Variants in SIK2 observed in about 807,000 individuals in gnomAD.
SIK2 encodes salt inducible kinase 2.
A neutral mutation model predicts 103.2 loss-of-function variants in SIK2; 29 were observed. That is an observed-to-expected ratio of 0.28 (90% CI 0.21 to 0.38). The LOEUF (loss-of-function observed/expected upper bound fraction) is 0.38, where lower values mean the gene tolerates loss of function less well. Among genes scored for constraint, SIK2 ranks in the 10% least tolerant of loss-of-function variants. SIK2 has a pLI of 1.00. For missense variants in SIK2, 879 were observed against 1,171.0 expected (o/e 0.75, Z 3.64); for synonymous variants, 412 against 446.1 (o/e 0.92, Z 0.96).
rs888849280 is a variant in SIK2 at position 111,723,887 on chromosome 11, C to G, written c.2539C>G (p.Gln847Glu). Reference protein sequence around the residue: ...AAPAPLQFSYQTCELPSAASP... With the variant: ...AAPAPLQFSYETCELPSAASP... ...CCCAGCCCCCTTACAGTTCTCCTAT[C>G]AGACTTGTGAGCTGCCAAGCGCTGC... Residue 847 changes from glutamine to glutamate, a missense_variant, in exon 15 of 15, where the codon CAG becomes GAG. By Grantham distance (29) the Gln-to-Glu change is conservative. Around this residue, in one of 7 missense-constraint regions of SIK2, gnomAD observed 375 missense variants for 416.3 expected, o/e 0.90. Coordinates refer to ENST00000304987, the MANE Select transcript of SIK2 (RefSeq NM_015191.3). The G allele has an allele frequency of 5.1e-6, 8 of 1,582,346 alleles. No homozygotes were observed. The Admixed American group carries it at 1.2e-4, about 24-fold the overall frequency.
At chr11:111,628,713 A>G (rs568865783) in intron 3 of SIK2, among the ~76,000 whole-genome samples, 1 of 152,218 alleles carries the variant, frequency 6.6e-6, no homozygotes, top group East Asian at 1.9e-4. Context: ...GGTGTGAGCC[A>G]CTGCAACTGG....
At chr11:111,650,303 T>C (rs1282505073) in intron 3 of SIK2, among the ~76,000 whole-genome samples, 2 of 152,110 alleles carry the variant, frequency 1.3e-5, no homozygotes, top group Non-Finnish European at 2.9e-5. Flanking sequence ...TGATTTTTCA[T>C]AGTAAAACAT....
rs910297691 is a variant in SIK2 at position 111,602,532 on chromosome 11, C to G, written c.-32C>G. The G allele has an allele frequency of 2.0e-5, 30 of 1,468,252 alleles. No individual in the cohort carries two copies. In the African/African-American group the frequency reaches 4.4e-4, roughly 22 times the overall value. The allele number at this position is 1,468,252 out of a possible 1,614,324, so 91.0% of individuals were successfully genotyped here. A position where few individuals can be genotyped will look rare whatever the true frequency, so the allele number is the denominator to read the frequency against. ...GCCAACCCTCCCGCCCGCCCGCGCT[C>G]CTGTCCGCCGTGTCTAGCAGCGGGG... is the stretch of plus-strand genomic sequence containing the variant. On this transcript the variant is annotated 5_prime_UTR_variant, in exon 1 of 15. Coordinates refer to ENST00000304987, the MANE Select transcript of SIK2 (RefSeq NM_015191.3). This position sits in a 1 kb window ranked among gnomAD's most constrained non-coding sequence, Gnocchi z 4.5.
At chr11:111,692,702 T>G (rs777923212) in intron 4 of SIK2, among the ~76,000 whole-genome samples, 2 of 152,182 alleles carry the variant, frequency 1.3e-5, no homozygotes, top group Non-Finnish European at 2.9e-5. Context: ...TCTTCTTATC[T>G]CTGAGAACTC....
intron 4 of SIK2, among the ~76,000 whole-genome samples, chr11:111,697,334 C>A (rs766866160): frequency 3.3e-5 from 5 of 152,178 alleles, no homozygotes; most frequent in Non-Finnish European, 7.3e-5. Context: ...CTTTATCGAG[C>A]AGCTGTTGTC....
Position 111,720,596 on chromosome 11 carries a change from C to G in SIK2, c.1614C>G (p.Ile538Met). 1 of 1,614,068 alleles carries G rather than the reference C, an allele frequency of 6.2e-7. No individual in the cohort carries two copies. The highest frequency in any genetic ancestry group is 8.5e-7 in the Non-Finnish European group (1 of 1,180,006). The change falls in exon 11 of 15, where the codon ATC becomes ATG. Residue 538 changes from isoleucine (I) to methionine (M), a missense_variant. By Grantham distance (10) the Ile-to-Met change is conservative. Coordinates refer to ENST00000304987, the MANE Select transcript of SIK2 (RefSeq NM_015191.3). ...FLEDNPSLKD[I>M]MLANQPSPRM... ...AAGACAACCCTTCCCTTAAGGACATCATGTTAGCCAATCAGCCTTCACCCC... is the reference window on the plus strand; with the variant it reads ...AAGACAACCCTTCCCTTAAGGACATGATGTTAGCCAATCAGCCTTCACCCC...
In SIK2 at chr11:111,720,528, G is replaced by A. The variant is rs1225590217; in HGVS notation, c.1546G>A (p.Glu516Lys). Reference sequence around the variant, plus strand: ...CCCCTCCCTTGACAGTGTGGACTCTGAGTATGATATGGGGTCTGTTCAGAG... The same window carrying A: ...CCCCTCCCTTGACAGTGTGGACTCTAAGTATGATATGGGGTCTGTTCAGAG... ...DSPSLDSVDS[E>K]YDMGSVQRDL... Residue 516 changes from glutamate to lysine, a missense_variant, in exon 11 of 15, where the codon GAG (glutamate) becomes AAG (lysine). Coordinates refer to ENST00000304987, the MANE Select transcript of SIK2 (RefSeq NM_015191.3). 6.2e-7 allele frequency: 1 copy of A among 1,613,668 alleles called. No homozygotes were observed. The highest frequency in any genetic ancestry group is 8.5e-7 in the Non-Finnish European group (1 of 1,179,868).
At chr11:111,625,475 C>A (rs1941948947) in intron 3 of SIK2, among the ~76,000 whole-genome samples, 1 of 152,048 alleles carries the variant, frequency 6.6e-6, no homozygotes, top group South Asian at 2.1e-4. Context: ...ATCCCTGAGG[C>A]ATTTAAACAT....
Position 111,728,782 on chromosome 11 carries a change from G to A in SIK2, c.*4653G>A, listed in dbSNP as rs1944069135. On this transcript the variant is annotated 3_prime_UTR_variant, in exon 15 of 15. Coordinates refer to ENST00000304987, the MANE Select transcript of SIK2 (RefSeq NM_015191.3). The stretch of plus-strand genomic sequence containing the variant: ...TACTAAAAATACAAAAAATTAGCCG[G>A]GCGTGGTGGTGGGCGCCTGTAGTTC... 1 of 152,080 alleles carries A rather than the reference G, an allele frequency of 6.6e-6. No homozygotes were observed. The highest frequency in any genetic ancestry group is 1.5e-5 in the Non-Finnish European group (1 of 68,028). The allele number at this position is 152,080 out of a possible 1,614,324, so 9.4% of individuals were successfully genotyped here.
chr11:111,645,960 T>C (rs1344119649), intron 3 of SIK2, among the ~76,000 whole-genome samples: 3 of 152,174 alleles, frequency 2.0e-5, no homozygotes, highest in Non-Finnish European at 4.4e-5. Flanking sequence ...ATGGTGGTTA[T>C]GTAGGTATTT....
chr11:111,662,917 G>C (rs1162819718), intron 3 of SIK2, among the ~76,000 whole-genome samples: 2 of 151,180 alleles, frequency 1.3e-5, no homozygotes, highest in South Asian at 2.1e-4. Context: ...ATAGCAAGTG[G>C]TGAAGAGTAC....
chr11:111,635,359 AAG>A (rs1397594858), intron 3 of SIK2, among the ~76,000 whole-genome samples: 1 of 150,006 alleles, frequency 6.7e-6, no homozygotes, highest in Non-Finnish European at 1.5e-5. Context: ...AAGAAAGAGA[AAG>A]AGAAAAGAGA....
At chr11:111,717,936 GAGCATCAGGAAGAAT>G (rs1370334338) in intron 9 of SIK2, among the ~76,000 whole-genome samples, 1 of 152,110 alleles carries the variant, frequency 6.6e-6, no homozygotes, top group African/African-American at 2.4e-5. Flanking sequence ...ATGGGAGGGA[GAGCATCAGGAAGAAT>G]AGCTGATGCA....
At position 111,609,336 on chromosome 11, in the gene SIK2, G is replaced by C. The variant is rs369481191; in HGVS notation, c.135+6638G>C. ...AAAGTCAAATCAATTTTTTTTTTGGGGGGGGGACAGGGTCTCACTCTGTCA... is the reference window on the plus strand; with the variant it reads ...AAAGTCAAATCAATTTTTTTTTTGGCGGGGGGACAGGGTCTCACTCTGTCA... On this transcript the variant is annotated intron_variant, in intron 1 of 14. Transcript: ENST00000304987. 6.0e-4 allele frequency among the ~76,000 whole-genome samples: 90 copies of C among 151,106 alleles called. No individual in the cohort carries two copies. In the East Asian group the frequency reaches 0.011, roughly 19 times the overall value.
intron 4 of SIK2, among the ~76,000 whole-genome samples, chr11:111,689,705 G>A (rs1942900795): frequency 6.6e-6 from 1 of 152,100 alleles, no homozygotes; most frequent in Non-Finnish European, 1.5e-5. Flanking sequence ...TAGCTTCCTC[G>A]GTTTGCTGTA....
rs908337018 is a variant in SIK2 at position 111,720,960 on chromosome 11, G to A, written c.1842G>A (p.Leu614=). The A allele has an allele frequency of 2.0e-5, 33 of 1,614,020 alleles. No individual in the cohort carries two copies. Among genetic ancestry groups the A allele is most frequent in the Non-Finnish European group, 2.5e-5 (30 of 1,180,036 alleles). ...NLARTKGILE[L]NKVQLLYEQI... is the part of the protein sequence containing the mutation. ...CTAGAACCAAAGGAATTCTAGAGTT[G>A]AACAAAGTGCAGTTGTTGTATGAAC... The change falls in exon 12 of 15, where the codon TTG becomes TTA. Residue 614 remains leucine, a synonymous_variant. Coordinates refer to ENST00000304987, the MANE Select transcript of SIK2 (RefSeq NM_015191.3).
At chr11:111,636,077 ATTCT>A (rs1179250786) in intron 3 of SIK2, among the ~76,000 whole-genome samples, 1 of 152,222 alleles carries the variant, frequency 6.6e-6, no homozygotes, top group African/African-American at 2.4e-5. Flanking sequence ...GAAAAAGCTA[ATTCT>A]TTGTTTGTGA....
At chr11:111,718,097 C>G (rs144746459) in intron 9 of SIK2, among the ~76,000 whole-genome samples, 39 of 152,258 alleles carry the variant, frequency 2.6e-4, no homozygotes, top group African/African-American at 9.4e-4. Context: ...AAAGAACTTG[C>G]TTATATGGCT....
rs200358202 is a variant in SIK2, at chr11:111,712,349, G to A, written c.1240G>A (p.Glu414Lys). 164 of 1,614,110 alleles carry A rather than the reference G, an allele frequency of 1.0e-4. No homozygotes were observed. The highest frequency in any genetic ancestry group is 8.3e-4 in the Middle Eastern group (5 of 6,060). Residue 414 changes from glutamate (E) to lysine (K), a missense_variant, in exon 9 of 15, where the codon GAA becomes AAA. Physicochemically the swap from Glu to Lys is moderately conservative, Grantham distance 56. This residue lies in a region of SIK2 where 222 missense variants were observed against 258.0 expected (regional missense o/e 0.86). Coordinates refer to ENST00000304987, the MANE Select transcript of SIK2 (RefSeq NM_015191.3). ...CTGTCAGGCGGAAGCTGCATTCATG[G>A]AAGAAGAGTGTGTGGACACTCCAAA... ...SGCQAEAAFMEEECVDTPKVN... is the reference protein window; with the variant it reads ...SGCQAEAAFMKEECVDTPKVN...
Sources: allele counts gnomAD v4.1 joint callset (sites outside exome capture counted in the v4.1 genomes callset), GRCh38; gene constraint gnomAD v4.1.1; regional missense constraint gnomAD v4.1.1; non-coding constraint Gnocchi (gnomAD v3.1); transcripts MANE v1.5; gene names NCBI Gene and HGNC (gene_info 2026-07-23, HGNC 2026-07-21).